Variants in LRRC4C observed in about 807,000 individuals in gnomAD.
LRRC4C encodes leucine rich repeat containing 4C, also known as leucine-rich repeat-containing protein 4C.
In LRRC4C, 5 loss-of-function variants were observed where a neutral mutation model predicts 33.6. The ratio of observed to expected loss-of-function variants is 0.15; its 90% confidence interval spans 0.08 to 0.31. The LOEUF (loss-of-function observed/expected upper bound fraction) is 0.31, where lower values mean the gene tolerates loss of function less well. Ranked by LOEUF, LRRC4C falls within the 10% of genes least tolerant of loss-of-function variation. LRRC4C has a pLI of 1.00. For synonymous variants in LRRC4C, 329 were observed against 302.0 expected (o/e 1.09, Z -0.93); for missense variants, 560 against 796.7 (o/e 0.70, Z 3.58).
chr11:40,166,778 A>G (rs1386639420), intron 5 of LRRC4C, among the ~76,000 whole-genome samples: 4 of 152,192 alleles, frequency 2.6e-5, no homozygotes, highest in Admixed American at 2.6e-4. Context: ...TGTATTAAAT[A>G]AAATGAAAAA....
intron 1 of LRRC4C, among the ~76,000 whole-genome samples, chr11:40,971,877 T>G (rs1851749842): frequency 6.6e-6 from 1 of 152,188 alleles, no homozygotes; most frequent in Non-Finnish European, 1.5e-5. Flanking sequence ...GCTTTCAGAT[T>G]TAATGACTCT....
chr11:40,553,333 A>G (rs16934937), intron 3 of LRRC4C, among the ~76,000 whole-genome samples: 7,946 of 152,244 alleles, frequency 0.052, 303 homozygotes, highest in Admixed American at 0.093. Flanking sequence ...TGCATTGATA[A>G]TTTTTATAGA....
chr11:40,192,072 A>T (rs1861887929), intron 5 of LRRC4C, among the ~76,000 whole-genome samples: 2 of 152,192 alleles, frequency 1.3e-5, no homozygotes, highest in South Asian at 4.1e-4. Flanking sequence ...AATCTGAAAG[A>T]TTAGACATTG....
At chr11:40,535,893 AC>A (rs1036142632) in intron 3 of LRRC4C, among the ~76,000 whole-genome samples, 1 of 152,224 alleles carries the variant, frequency 6.6e-6, no homozygotes, top group African/African-American at 2.4e-5. Context: ...AACTTACTGT[AC>A]TTTTTCCAAA....
At chr11:41,215,304 A>C (rs1235524088) in intron 1 of LRRC4C, among the ~76,000 whole-genome samples, 3 of 151,776 alleles carry the variant, frequency 2.0e-5, no homozygotes, top group Non-Finnish European at 4.4e-5. Flanking sequence ...CCTGGCCAAC[A>C]TGGTGAAACC....
chr11:40,392,476 A>C (rs1949375596), intron 3 of LRRC4C, among the ~76,000 whole-genome samples: 1 of 152,116 alleles, frequency 6.6e-6, no homozygotes, highest in Non-Finnish European at 1.5e-5. Flanking sequence ...TGTAAACTTA[A>C]AATTGCTCTA....
intron 5 of LRRC4C, among the ~76,000 whole-genome samples, chr11:40,235,279 A>C (rs1200958394): frequency 6.6e-6 from 1 of 152,236 alleles, no homozygotes; most frequent in African/African-American, 2.4e-5. Context: ...CATTTAGCCC[A>C]ATAGCTGGAT....
At chr11:40,776,454 C>A (rs1024263463) in intron 2 of LRRC4C, among the ~76,000 whole-genome samples, 1 of 151,856 alleles carries the variant, frequency 6.6e-6, no homozygotes, top group Non-Finnish European at 1.5e-5. Context: ...CTGATTTAAT[C>A]TTGTGAGGTT....
At chr11:40,338,616 T>C (rs1472131507) in intron 3 of LRRC4C, among the ~76,000 whole-genome samples, 1 of 152,188 alleles carries the variant, frequency 6.6e-6, no homozygotes, top group Admixed American at 6.5e-5. Flanking sequence ...ACACTCACAC[T>C]AATCTCGTTC....
chr11:40,958,488 G>A (rs1959057699), intron 1 of LRRC4C, among the ~76,000 whole-genome samples: 1 of 151,606 alleles, frequency 6.6e-6, no homozygotes, highest in Admixed American at 6.6e-5. Context: ...ATTTTTAATA[G>A]TCCCTATAAG....
chr11:40,878,107 G>C (rs1040474558), intron 2 of LRRC4C, among the ~76,000 whole-genome samples: 1 of 152,090 alleles, frequency 6.6e-6, no homozygotes, highest in African/African-American at 2.4e-5. Flanking sequence ...CTGTGACTGA[G>C]ATAAGTGTGC....
chr11:40,463,305 G>GGT (rs33911904), intron 3 of LRRC4C, among the ~76,000 whole-genome samples: 23,433 of 144,422 alleles, frequency 0.16, 1,939 homozygotes, highest in South Asian at 0.24. Context: ...ATGTGTTACT[G>GGT]GTGTGTGTGT....
intron 1 of LRRC4C, among the ~76,000 whole-genome samples, chr11:41,426,029 G>A (rs1032988131): frequency 2.6e-5 from 4 of 152,220 alleles, no homozygotes; most frequent in South Asian, 2.1e-4. Flanking sequence ...TAAACCATAC[G>A]TTGATAGATT....
At chr11:41,107,058 A>ATTTTTTTTT (rs3979485) in intron 1 of LRRC4C, among the ~76,000 whole-genome samples, 1 of 141,034 alleles carries the variant, frequency 7.1e-6, no homozygotes. Context: ...TTAGGTTTTG[A>ATTTTTTTTT]TTTTTTTTTT....
At chr11:40,299,662 A>T (rs1460411780) in intron 4 of LRRC4C, among the ~76,000 whole-genome samples, 2 of 152,254 alleles carry the variant, frequency 1.3e-5, no homozygotes, top group African/African-American at 4.8e-5. Flanking sequence ...TTATTTTAAC[A>T]TGTATTGGGA....
chr11:40,129,592 T>G (rs1856506191), intron 6 of LRRC4C, among the ~76,000 whole-genome samples: 1 of 152,192 alleles, frequency 6.6e-6, no homozygotes. Flanking sequence ...AGGACTGGAT[T>G]AGCTTTCAGG....
At chr11:40,963,155 T>C (rs1851088561) in intron 1 of LRRC4C, among the ~76,000 whole-genome samples, 1 of 151,754 alleles carries the variant, frequency 6.6e-6, no homozygotes, top group Non-Finnish European at 1.5e-5. Flanking sequence ...CTATTATTTT[T>C]ATTACAACCA....
chr11:40,593,145 A>G (rs1959134366), intron 3 of LRRC4C, among the ~76,000 whole-genome samples: 1 of 152,196 alleles, frequency 6.6e-6, no homozygotes, highest in African/African-American at 2.4e-5. Flanking sequence ...GAGAGAAACC[A>G]CAGAGAGAGA....
At chr11:40,439,115 G>A (rs1037752012) in intron 3 of LRRC4C, among the ~76,000 whole-genome samples, 6 of 101,946 alleles carry the variant, frequency 5.9e-5, no homozygotes, top group Non-Finnish European at 8.2e-5. Context: ...TTTTTTTTTT[G>A]TATTTTTAGT....
Sources: gnomAD v4.1 joint callset for allele counts (sites outside exome capture counted in the v4.1 genomes callset) on GRCh38, gnomAD v4.1.1 for gene constraint, MANE v1.5 for transcripts, NCBI Gene and HGNC (gene_info 2026-07-23, HGNC 2026-07-21) for gene names.